The following TBL1X variants were observed in gnomAD, a reference collection of about 807,000 sequenced individuals.
TBL1X encodes the protein transducin beta like 1 X-linked.
Under a neutral mutation model 50.7 loss-of-function variants are expected in TBL1X, and 10 were observed. The ratio of observed to expected loss-of-function variants is 0.20; its 90% confidence interval spans 0.12 to 0.33. The LOEUF is 0.33. TBL1X is among the 10% of genes least tolerant of loss of function. TBL1X has a pLI of 1.00. For missense variants in TBL1X, 340 were observed against 504.4 expected, an observed-to-expected ratio of 0.67 and a Z score of 3.12; for synonymous variants, 190 against 214.7, an observed-to-expected ratio of 0.88 and a Z score of 1.01.
intron 2 of TBL1X, among the ~76,000 whole-genome samples, chrX:9,559,130 A>C (rs914786865): frequency 1.4e-4 from 16 of 111,906 alleles, no homozygotes; most frequent in African/African-American, 4.9e-4. Flanking sequence ...AGGTCTAGGA[A>C]ACTTGGAATT....
Position 9,715,524 on chromosome X carries a change from T to A in TBL1X, c.1707+521T>A, listed in dbSNP as rs1336740778. On this transcript the variant is annotated intron_variant, in intron 17 of 17. Transcript: ENST00000645353. ...ACCAGAACACAATGGTAAGCATTTG[T>A]GCGTCCGGATCTATCTAAACATAGA... Among the ~76,000 whole-genome samples the A allele has an allele frequency of 2.7e-5, 3 of 111,956 alleles. No homozygotes were observed. The East Asian group carries it at 8.4e-4, about 31-fold the overall frequency.
intron 1 of TBL1X, among the ~76,000 whole-genome samples, chrX:9,477,623 A>G (rs751256850): frequency 7.1e-5 from 8 of 112,080 alleles, no homozygotes; most frequent in Non-Finnish European, 1.1e-4. Context: ...TTTAACTTAG[A>G]ACTCTTGAGT....
intron 2 of TBL1X, among the ~76,000 whole-genome samples, chrX:9,525,436 A>G (rs1175737654): frequency 8.9e-6 from 1 of 112,324 alleles, no homozygotes; most frequent in Non-Finnish European, 1.9e-5. Context: ...CGTAACTCTA[A>G]CTTGTAATAG....
chrX:9,510,618 TAGTATTC>T (rs2082050650), intron 2 of TBL1X, among the ~76,000 whole-genome samples: 1 of 112,415 alleles, frequency 8.9e-6, no homozygotes, highest in South Asian at 3.7e-4. Flanking sequence ...GGCTAGGCCA[TAGTATTC>T]AGATATTTGG....
rs2082677193 is a variant in TBL1X, at chrX:9,623,376, T to C, written c.-130-16897T>C. On this transcript the variant is annotated intron_variant, in intron 2 of 17. Coordinates refer to ENST00000645353, the MANE Select transcript of TBL1X (RefSeq NM_005647.4). Reference sequence around the variant, plus strand: ...TTTGTATGGCCCATGGAGTGGGATTTGCTATGGCCCTTCGAGAACAAATTT... The same window carrying C: ...TTTGTATGGCCCATGGAGTGGGATTCGCTATGGCCCTTCGAGAACAAATTT... Among the ~76,000 whole-genome samples, 7 of 111,754 alleles carry C rather than the reference T, an allele frequency of 6.3e-5. No individual in the cohort carries two copies. In the Admixed American group the frequency reaches 6.7e-4, roughly 11 times the overall value.
chrX:9,609,904 G>T (rs1434646904), intron 2 of TBL1X, among the ~76,000 whole-genome samples: 7 of 112,498 alleles, frequency 6.2e-5, no homozygotes, highest in Non-Finnish European at 1.3e-4. Context: ...TCTTTGAAAG[G>T]TGTTATCTCA....
At chrX:9,549,558 C>T (rs73631494) in intron 2 of TBL1X, among the ~76,000 whole-genome samples, 7,963 of 111,098 alleles carry the variant, frequency 0.072, 240 homozygotes, top group South Asian at 0.11. Flanking sequence ...TGGCCCTTTC[C>T]GGAAAGAGTC....
intron 2 of TBL1X, among the ~76,000 whole-genome samples, chrX:9,558,838 G>A (rs1294632722): frequency 8.9e-6 from 1 of 111,886 alleles, no homozygotes; most frequent in African/African-American, 3.2e-5. Context: ...CTGCAAGGAG[G>A]TCTGTTCACT....
At chrX:9,541,930 CTTTTCTT>C (rs1223221684) in intron 2 of TBL1X, among the ~76,000 whole-genome samples, 5 of 105,174 alleles carry the variant, frequency 4.8e-5, no homozygotes, top group African/African-American at 1.4e-4. Context: ...TATCTTTTTT[CTTTTCTT>C]TTTTCTTTTT....
intron 1 of TBL1X, among the ~76,000 whole-genome samples, chrX:9,481,779 C>T (rs1241774140): frequency 1.8e-5 from 2 of 112,137 alleles, no homozygotes; most frequent in African/African-American, 6.5e-5. Flanking sequence ...CAAGTATTTG[C>T]AGGCACAGAT....
At chrX:9,630,370 C>T (rs1001608531) in intron 2 of TBL1X, among the ~76,000 whole-genome samples, 1 of 111,631 alleles carries the variant, frequency 9.0e-6, no homozygotes, top group African/African-American at 3.3e-5. Context: ...AGAATACAGT[C>T]ATCCCTCGGT....
intron 2 of TBL1X, among the ~76,000 whole-genome samples, chrX:9,536,826 A>G (rs903006031): frequency 9.0e-6 from 1 of 111,410 alleles, no homozygotes; most frequent in Non-Finnish European, 1.9e-5. Flanking sequence ...GAGGTCAAAT[A>G]TTGCTAATTT....
intron 2 of TBL1X, among the ~76,000 whole-genome samples, chrX:9,552,882 C>T (rs1329872720): frequency 8.9e-6 from 1 of 111,965 alleles, no homozygotes; most frequent in Non-Finnish European, 1.9e-5. Context: ...GGGGCTCATG[C>T]CTGTAATCCC....
intron 2 of TBL1X, among the ~76,000 whole-genome samples, chrX:9,548,949 G>A (rs1356637130): frequency 8.9e-6 from 1 of 112,962 alleles, no homozygotes; most frequent in Non-Finnish European, 1.9e-5. Context: ...GCAAAATGTG[G>A]AATAAAAAGT....
chrX:9,580,019 A>C (rs769284697), intron 2 of TBL1X, among the ~76,000 whole-genome samples: 6 of 111,984 alleles, frequency 5.4e-5, no homozygotes, highest in Non-Finnish European at 1.1e-4. Context: ...ACTCTGTAAA[A>C]TATTTGAAGA....
intron 5 of TBL1X, among the ~76,000 whole-genome samples, chrX:9,662,573 C>T (rs780450581): frequency 7.2e-5 from 8 of 111,542 alleles, no homozygotes; most frequent in East Asian, 2.8e-4. Flanking sequence ...AAGCAGGGGA[C>T]GTGGAGTTGC....
At chrX:9,476,093 C>A (rs1215677587) in intron 1 of TBL1X, among the ~76,000 whole-genome samples, 2 of 111,747 alleles carry the variant, frequency 1.8e-5, no homozygotes, top group Non-Finnish European at 3.8e-5. Flanking sequence ...TGTTGCTTCT[C>A]TTTATGGTAA....
At chrX:9,657,445 G>T (rs2082870898) in intron 5 of TBL1X, among the ~76,000 whole-genome samples, 1 of 112,449 alleles carries the variant, frequency 8.9e-6, no homozygotes, top group African/African-American at 3.2e-5. Flanking sequence ...CATGGTGTCA[G>T]TTAGGATGTA....
chrX:9,493,422 A>G (rs930001874), intron 1 of TBL1X, among the ~76,000 whole-genome samples: 2 of 111,726 alleles, frequency 1.8e-5, no homozygotes, highest in African/African-American at 3.3e-5. Flanking sequence ...TGTAAGCCCA[A>G]TTTGAGTTCC....
Sources: allele counts gnomAD v4.1 joint callset (sites outside exome capture counted in the v4.1 genomes callset), GRCh38; gene constraint gnomAD v4.1.1; transcripts MANE v1.5; gene names NCBI Gene and HGNC (gene_info 2026-07-23, HGNC 2026-07-21).